Variants in LYPD6B observed in about 807,000 individuals in gnomAD.
LYPD6B encodes the protein LY6/PLAUR domain containing 6B.
A neutral mutation model predicts 22.8 loss-of-function variants in LYPD6B; 17 were observed. The observed-to-expected ratio is 0.75, with a 90% confidence interval of 0.51 to 1.12. The LOEUF is 1.12. LYPD6B is among the 50% of genes most tolerant of loss of function. The pLI is 0.00. For synonymous variants in LYPD6B, 106 were observed against 91.6 expected (o/e 1.16, Z -0.90); for missense variants, 221 against 258.3 (o/e 0.86, Z 0.99).
At chr2:149,109,780 C>T (rs910037994) in intron 1 of LYPD6B, among the ~76,000 whole-genome samples, 4 of 152,128 alleles carry the variant, frequency 2.6e-5, no homozygotes, top group Non-Finnish European at 4.4e-5. Context: ...GTCATGATCT[C>T]GGCTAACTGC....
chr2:149,130,820 C>T (rs1687982818), intron 1 of LYPD6B, 63 bp from the exon 2 acceptor site: 2 of 745,140 alleles, frequency 2.7e-6, no homozygotes, highest in Non-Finnish European at 4.7e-6. Flanking sequence ...TACTTAAAAT[C>T]CCTTTATCCC....
intron 1 of LYPD6B, among the ~76,000 whole-genome samples, chr2:149,053,628 A>G (rs1011228958): frequency 3.3e-5 from 5 of 152,344 alleles, no homozygotes; most frequent in African/African-American, 1.2e-4. Flanking sequence ...TATACGATTC[A>G]GTGGTTTCTG....
intron 3 of LYPD6B, among the ~76,000 whole-genome samples, chr2:149,198,723 G>T (rs1308908444): frequency 6.6e-6 from 1 of 152,106 alleles, no homozygotes; most frequent in Non-Finnish European, 1.5e-5. Flanking sequence ...CTTAAAAAAT[G>T]AGTTACTTAT....
At chr2:149,208,259 T>C in intron 4 of LYPD6B, 55 bp from the exon 5 acceptor site, 1 of 1,320,984 alleles carries the variant, frequency 7.6e-7, no homozygotes, top group Non-Finnish European at 1.1e-6. Context: ...ATGTTTGATG[T>C]TCGAAATTTT....
rs1031073488 is a variant in LYPD6B at position 149,145,427 on chromosome 2, C to T, written c.5+14474C>T. Among the ~76,000 whole-genome samples the T allele has an allele frequency of 5.9e-5, 9 of 152,052 alleles. No homozygotes were observed. The East Asian group carries it at 7.7e-4, about 13-fold the overall frequency. On this transcript the variant is annotated intron_variant, in intron 2 of 6. Transcript: ENST00000409642. ...ACAGTTTACTTGGAAGACACAAGCC[C>T]GGGTGCGAGAGTGAGGGAAAACAGA... is the stretch of plus-strand genomic sequence containing the variant.
At chr2:149,173,386 A>G (rs1191032626) in intron 3 of LYPD6B, among the ~76,000 whole-genome samples, 1 of 80,490 alleles carries the variant, frequency 1.2e-5, no homozygotes, top group East Asian at 4.3e-4. Context: ...TGATTCTGCT[A>G]TGAAACATAG....
At chr2:149,067,038 A>G (rs1684368584) in intron 1 of LYPD6B, among the ~76,000 whole-genome samples, 2 of 152,180 alleles carry the variant, frequency 1.3e-5, no homozygotes, top group Non-Finnish European at 2.9e-5. Context: ...TTTAGGTCTC[A>G]CTTCTAAGAG....
chr2:149,196,250 G>A (rs1031119427), intron 3 of LYPD6B, among the ~76,000 whole-genome samples: 2 of 152,134 alleles, frequency 1.3e-5, no homozygotes, highest in Non-Finnish European at 2.9e-5. Context: ...TTTTTTATTA[G>A]TATTGCTTTT....
rs568393918 is a variant in LYPD6B at position 149,128,632 on chromosome 2, T to A, written c.-66-2251T>A. Among the ~76,000 whole-genome samples the A allele has an allele frequency of 6.1e-4, 93 of 152,342 alleles. 1 individual carries two copies. Among genetic ancestry groups the A allele is most frequent in the African/African-American group, 2.1e-3 (87 of 41,584 alleles). ...GTGTAAGGCACTAAGCATTTCCTAA[T>A]GAATGGTGGTAAGAGGGTCTTTGAA... On this transcript the variant is annotated intron_variant, in intron 1 of 6. Coordinates refer to ENST00000409642, the MANE Select transcript of LYPD6B (RefSeq NM_177964.5).
intron 3 of LYPD6B, among the ~76,000 whole-genome samples, chr2:149,162,403 G>A (rs528414383): frequency 6.6e-6 from 1 of 152,140 alleles, no homozygotes; most frequent in Non-Finnish European, 1.5e-5. Context: ...AGTTAGACAA[G>A]CTAAAAGGTG....
At chr2:149,053,405 C>T (rs56304619) in intron 1 of LYPD6B, among the ~76,000 whole-genome samples, 46,435 of 151,994 alleles carry the variant, frequency 0.31, 7,907 homozygotes, top group Non-Finnish European at 0.38. Flanking sequence ...TTGCAGAGAA[C>T]GTGTTTACAG....
At chr2:149,072,120 C>A (rs1356197973) in intron 1 of LYPD6B, among the ~76,000 whole-genome samples, 3 of 152,126 alleles carry the variant, frequency 2.0e-5, no homozygotes, top group Non-Finnish European at 2.9e-5. Flanking sequence ...TTGGTAGAGA[C>A]AGAGTTTTGC....
At chr2:149,189,252 A>G (rs2106041918) in intron 3 of LYPD6B, among the ~76,000 whole-genome samples, 1 of 150,978 alleles carries the variant, frequency 6.6e-6, no homozygotes, top group African/African-American at 2.4e-5. Flanking sequence ...TTAATATTTC[A>G]AAAAGCATAA....
intron 1 of LYPD6B, among the ~76,000 whole-genome samples, chr2:149,115,125 G>C (rs1490875309): frequency 2.0e-5 from 3 of 152,268 alleles, no homozygotes; most frequent in East Asian, 3.9e-4. Context: ...TTTTAGTAGA[G>C]ATGGGGTTTC....
chr2:149,170,459 T>C (rs1023393138), intron 3 of LYPD6B, among the ~76,000 whole-genome samples: 3 of 152,070 alleles, frequency 2.0e-5, no homozygotes, highest in African/African-American at 7.2e-5. Flanking sequence ...TATGTCCTGT[T>C]GTGCCTGATT....
At chr2:149,107,049 A>G (rs894462326) in intron 1 of LYPD6B, among the ~76,000 whole-genome samples, 1 of 152,230 alleles carries the variant, frequency 6.6e-6, no homozygotes, top group African/African-American at 2.4e-5. Flanking sequence ...AGTTATAATT[A>G]GGCACAATAA....
chr2:149,087,820 A>G lies in LYPD6B; in HGVS notation c.-66-43063A>G, dbSNP rs370915653. Among the ~76,000 whole-genome samples, 55 of 152,330 alleles carry G rather than the reference A, an allele frequency of 3.6e-4. 1 individual carries two copies. In the South Asian group the frequency reaches 4.4e-3, roughly 12 times the overall value. On this transcript the variant is annotated intron_variant, in intron 1 of 6. Coordinates refer to ENST00000409642, the MANE Select transcript of LYPD6B (RefSeq NM_177964.5). The stretch of plus-strand genomic sequence containing the variant: ...CCCTATGCCGTGCATCTACTGAATC[A>G]GAGCCTATGTAAACAGAGTCCAGGA...
chr2:149,210,646 A>G (rs1180500312), intron 5 of LYPD6B, among the ~76,000 whole-genome samples: 1 of 152,230 alleles, frequency 6.6e-6, no homozygotes, highest in African/African-American at 2.4e-5. Flanking sequence ...TCTTCTGTGT[A>G]ACAGGATATG....
At chr2:149,060,182 C>T (rs1477626193) in intron 1 of LYPD6B, among the ~76,000 whole-genome samples, 1 of 152,144 alleles carries the variant, frequency 6.6e-6, no homozygotes, top group Non-Finnish European at 1.5e-5. Context: ...GTGGGCTAGG[C>T]ACTTTGCAAG....
Sources: gnomAD v4.1 joint callset for allele counts (sites outside exome capture counted in the v4.1 genomes callset) on GRCh38, gnomAD v4.1.1 for gene constraint, MANE v1.5 for transcripts, NCBI Gene and HGNC (gene_info 2026-07-23, HGNC 2026-07-21) for gene names.